Variants in ZNF83 observed in about 807,000 individuals in gnomAD.
The protein encoded by ZNF83 is zinc finger protein 816B.
For synonymous variants in ZNF83, 209 were observed against 213.0 expected (o/e 0.98, Z 0.17); for missense variants, 552 against 629.9 (o/e 0.88, Z 1.32).
chr19:52,628,228 T>C (rs918429154), intron 2 of ZNF83, among the ~76,000 whole-genome samples: 2 of 152,156 alleles, frequency 1.3e-5, no homozygotes, highest in Non-Finnish European at 2.9e-5. Context: ...GGGACCTCCC[T>C]TGGGAGATCA....
At chr19:52,638,313 G>A (rs8108275) in exon 1 of ZNF83, 15,987 of 144,114 alleles carry the variant, frequency 0.11, 966 homozygotes, top group African/African-American at 0.17. Flanking sequence ...GAAACTCACC[G>A]CCACGGTGTA....
At chr19:52,627,752 A>G (rs888285651) in intron 2 of ZNF83, among the ~76,000 whole-genome samples, 2 of 152,156 alleles carry the variant, frequency 1.3e-5, no homozygotes, top group African/African-American at 4.8e-5. Flanking sequence ...TGTGTAACAA[A>G]CCTTCACATG....
At chr19:52,635,698 G>A (rs11880764) in intron 1 of ZNF83, 58,389 of 151,680 alleles carry the variant, frequency 0.38, 11,494 homozygotes, top group African/African-American at 0.46. Context: ...CCCTCTACTA[G>A]AAATACAAAA....
At chr19:52,619,779 T>C (rs568679717) in intron 2 of ZNF83, among the ~76,000 whole-genome samples, 18 of 152,082 alleles carry the variant, frequency 1.2e-4, no homozygotes, top group African/African-American at 3.1e-4. Flanking sequence ...CCCAGCTACA[T>C]GGGAGGCTGA....
At chr19:52,671,281 A>C (rs539815496) in intron 1 of ZNF83, among the ~76,000 whole-genome samples, 1 of 152,296 alleles carries the variant, frequency 6.6e-6, no homozygotes, top group Non-Finnish European at 1.5e-5. Flanking sequence ...ATTCTCAAAT[A>C]CTTTTTTTTA....
intron 3 of ZNF83, among the ~76,000 whole-genome samples, chr19:52,646,690 T>A (rs2061376709): frequency 6.6e-6 from 1 of 152,122 alleles, no homozygotes; most frequent in Non-Finnish European, 1.5e-5. Context: ...GGTGACCCAG[T>A]CTAAGAAACT....
At chr19:52,649,043 C>T (rs181356985) in intron 3 of ZNF83, among the ~76,000 whole-genome samples, 10 of 152,302 alleles carry the variant, frequency 6.6e-5, no homozygotes, top group Admixed American at 5.2e-4. Context: ...TCCCTTCTCC[C>T]GCCGGGTCCC....
At chr19:52,621,050 TAAAC>T (rs1262400466) in intron 2 of ZNF83, among the ~76,000 whole-genome samples, 1 of 152,210 alleles carries the variant, frequency 6.6e-6, no homozygotes, top group African/African-American at 2.4e-5. Flanking sequence ...CCAGGTAAAA[TAAAC>T]AGCCTTGTTG....
At chr19:52,634,921 A>G (rs2061096057) in intron 2 of ZNF83, 145 bp downstream of exon 2, 5 of 787,194 alleles carry the variant, frequency 6.4e-6, no homozygotes, top group Middle Eastern at 2.3e-4. Context: ...AAGTGAGATG[A>G]GAGGGACTGA....
chr19:52,684,604 G>T (rs190156129), intron 1 of ZNF83, among the ~76,000 whole-genome samples: 1 of 151,314 alleles, frequency 6.6e-6, no homozygotes, highest in Non-Finnish European at 1.5e-5. Flanking sequence ...GATTGATGCA[G>T]AGATAATAAA....
intron 2 of ZNF83, among the ~76,000 whole-genome samples, chr19:52,622,738 T>A (rs937569166): frequency 4.0e-5 from 6 of 151,890 alleles, no homozygotes; most frequent in Admixed American, 3.3e-4. Context: ...GGCTGTCTCA[T>A]TCTCAATATG....
At chr19:52,619,178 G>A in intron 2 of ZNF83, 2 of 1,605,480 alleles carry the variant, frequency 1.2e-6, no homozygotes, top group Non-Finnish European at 1.7e-6. Flanking sequence ...TGACAAATCT[G>A]AGTAAGGGAT....
intron 2 of ZNF83, among the ~76,000 whole-genome samples, chr19:52,626,515 G>A (rs2060742983): frequency 6.6e-6 from 1 of 152,152 alleles, no homozygotes; most frequent in Non-Finnish European, 1.5e-5. Flanking sequence ...CTAACTGAGT[G>A]TCTTGGCTAC....
intron 3 of ZNF83, among the ~76,000 whole-genome samples, chr19:52,650,114 G>A (rs2061423732): frequency 1.3e-5 from 2 of 152,042 alleles, no homozygotes; most frequent in African/African-American, 4.8e-5. Flanking sequence ...AGAATGTCCT[G>A]AGTGGAGAAA....
chr19:52,685,192 A>T (rs893270082), intron 1 of ZNF83, among the ~76,000 whole-genome samples: 11 of 152,296 alleles, frequency 7.2e-5, no homozygotes, highest in Admixed American at 2.6e-4. Flanking sequence ...TTCAGGGGCC[A>T]GGGTCACTCA....
intron 1 of ZNF83, among the ~76,000 whole-genome samples, chr19:52,672,865 C>T (rs1333677182): frequency 5.9e-5 from 9 of 151,810 alleles, no homozygotes; most frequent in East Asian, 3.9e-4. Context: ...CATGAGCCAC[C>T]GTGCATGGCA....
chr19:52,634,756 T>A (rs2061089110), intron 2 of ZNF83, among the ~76,000 whole-genome samples: 1 of 152,130 alleles, frequency 6.6e-6, no homozygotes, highest in Non-Finnish European at 1.5e-5. Flanking sequence ...AGCATCCAGA[T>A]GTGGCCCCTG....
chr19:52,656,578 A>G (rs2061507674), intron 2 of ZNF83, among the ~76,000 whole-genome samples: 1 of 152,118 alleles, frequency 6.6e-6, no homozygotes. Context: ...TACTAAAACC[A>G]TGGGCTTGGC....
In ZNF83 at chr19:52,681,280, C is replaced by CAAAAAAAAAA. The variant is rs56916405; in HGVS notation, c.-283+9153_-283+9162dup. Among the ~76,000 whole-genome samples the CAAAAAAAAAA allele has an allele frequency of 1.7e-3, 129 of 75,416 alleles. 8 individuals carry two copies. The highest frequency in any genetic ancestry group is 2.5e-3 in the Non-Finnish European group (98 of 39,994). The allele number at this position is 75,416 out of a possible 152,430, so 49.5% of individuals were successfully genotyped here. On this transcript the variant is annotated intron_variant, in intron 1 of 5. Coordinates refer to the ZNF83 transcript ENST00000594682. ...CCTGGGTGACAGAGTGAGACTTTCT[C>CAAAAAAAAAA]AAAAAAAAAAAAAAAAAAAAAGCAA...
Sources: gnomAD v4.1 joint callset for allele counts (sites outside exome capture counted in the v4.1 genomes callset) on GRCh38, gnomAD v4.1.1 for gene constraint, MANE v1.5 for transcripts, NCBI Gene and HGNC (gene_info 2026-07-23, HGNC 2026-07-21) for gene names.